SERHL2: variants seen among roughly 807,000 people sequenced by gnomAD.
SERHL2 encodes serine hydrolase-like protein 2.
In SERHL2, 29 loss-of-function variants were observed where a neutral mutation model predicts 25.5. The ratio of observed to expected loss-of-function variants is 1.14; its 90% CI spans 0.85 to 1.55. The LOEUF is 1.55. Among genes scored for constraint, SERHL2 ranks in the 40% most tolerant of loss-of-function variants. SERHL2 has a pLI of 0.00. For missense variants in SERHL2, 240 were observed against 252.3 expected (o/e 0.95, Z 0.33); for synonymous variants, 95 against 103.5 (o/e 0.92, Z 0.50).
At chr22:42,562,338 C>G (rs922492092) in intron 8 of SERHL2, among the ~76,000 whole-genome samples, 3 of 151,880 alleles carry the variant, frequency 2.0e-5, no homozygotes, top group Non-Finnish European at 4.4e-5. Flanking sequence ...GAATCTGGAG[C>G]TTAAACAACC....
rs1312947025 is a variant in SERHL2 at position 42,571,002 on chromosome 22, C to G, written c.649-119C>G. 2.7e-6 allele frequency: 4 copies of G among 1,476,214 alleles called. No individual in the cohort carries two copies. The Admixed American group carries it at 7.6e-5, about 28-fold the overall frequency. 91.4% of individuals were successfully genotyped at this position (1,476,214 alleles called of 1,614,324 possible). A position where few individuals can be genotyped will look rare whatever the true frequency, so the allele number is the denominator to read the frequency against. ...TGATGTGGGGTCCTGGGCTCAGACC[C>G]AGGGTGGGTGGCTAAGGTGCCCTCG... On this transcript the variant is annotated intron_variant, in intron 9 of 11. Coordinates refer to ENST00000327678, the MANE Select transcript of SERHL2 (RefSeq NM_014509.5).
intron 10 of SERHL2, among the ~76,000 whole-genome samples, chr22:42,572,178 G>T (rs1003115873): frequency 2.6e-5 from 4 of 152,070 alleles, no homozygotes; most frequent in African/African-American, 9.6e-5. Context: ...GGCTGACTGT[G>T]ACCAAGTCCT....
At chr22:42,567,460 C>A (rs973828933) in intron 9 of SERHL2, among the ~76,000 whole-genome samples, 5 of 150,484 alleles carry the variant, frequency 3.3e-5, no homozygotes, top group Admixed American at 1.3e-4. Context: ...GTCAGGAGAT[C>A]GAGACCATCC....
At position 42,571,119 on chromosome 22, in the gene SERHL2, A is replaced by G. The variant is rs1286628778; in HGVS notation, c.649-2A>G. The G allele has an allele frequency of 1.2e-6, 2 of 1,612,734 alleles. No homozygotes were observed. The highest frequency in any genetic ancestry group is 1.7e-5 in the Admixed American group (1 of 59,992). Reference sequence around the variant, plus strand: ...GAATTCACCATGTTTTTGTCTCTGCAGGCAGAGAACAGCATTGACTTCATC... The same window carrying G: ...GAATTCACCATGTTTTTGTCTCTGCGGGCAGAGAACAGCATTGACTTCATC... On this transcript the variant is annotated splice_acceptor_variant, in intron 9 of 11. Coordinates refer to ENST00000327678, the MANE Select transcript of SERHL2 (RefSeq NM_014509.5). LOFTEE classifies it high-confidence loss of function.
intron 10 of SERHL2, chr22:42,571,586 T>G (rs1457045508): frequency 1.1e-5 from 6 of 527,608 alleles, no homozygotes; most frequent in Non-Finnish European, 1.5e-5. Flanking sequence ...CCACCAGGCC[T>G]GGCTTATTTT....
chr22:42,563,199 TTTTTTTGTTG>T (rs1429706786), intron 8 of SERHL2, among the ~76,000 whole-genome samples: 40 of 77,396 alleles, frequency 5.2e-4, no homozygotes, highest in Admixed American at 9.5e-4. Context: ...TCTTTTTTTT[TTTTTTTGTTG>T]TTGTTGTTGT....
At chr22:42,557,892 AGGCAGTG>A (rs1922293766) in intron 6 of SERHL2, among the ~76,000 whole-genome samples, 1 of 7,930 alleles carries the variant, frequency 1.3e-4, no homozygotes, top group East Asian at 1.0e-3. Context: ...CTGCAGCCCC[AGGCAGTG>A]GGCCTGAGGC....
chr22:42,566,326 G>C lies in SERHL2; in HGVS notation c.636G>C (p.Gln212His), dbSNP rs779038651. ...VATGLVLNRD[Q>H]RLAWAENSID... ...CAGGTCTGGTTCTGAACAGAGACCA[G>C]AGGCTCGCCTGGGTGAGTACCACTG... The change falls in exon 9 of 12, where the codon CAG becomes CAC. Residue 212 changes from glutamine to histidine, a missense_variant. Coordinates refer to ENST00000327678, the MANE Select transcript of SERHL2 (RefSeq NM_014509.5). 6.2e-7 allele frequency: 1 copy of C among 1,612,146 alleles called. No individual in the cohort carries two copies. The highest frequency in any genetic ancestry group is 8.5e-7 in the Non-Finnish European group (1 of 1,179,302).
At chr22:42,562,592 C>T (rs1421020386) in intron 8 of SERHL2, among the ~76,000 whole-genome samples, 2 of 151,664 alleles carry the variant, frequency 1.3e-5, no homozygotes, top group Non-Finnish European at 2.9e-5. Context: ...GCTGCAGCTC[C>T]ACTTCCTCTT....
At chr22:42,567,480 A>C (rs180845975) in intron 9 of SERHL2, among the ~76,000 whole-genome samples, 1 of 151,284 alleles carries the variant, frequency 6.6e-6, no homozygotes, top group South Asian at 2.1e-4. Context: ...CTGGCTAACA[A>C]GGTGAAACCC....
chr22:42,566,479 A>AT lies in SERHL2; in HGVS notation c.648+142dup, dbSNP rs1462380078. On this transcript the variant is annotated intron_variant, in intron 9 of 11. Transcript: ENST00000327678. Reference sequence around the variant, plus strand: ...AGGCTGAGGCAGGACAATCGCTTGAATGGGAGGCAGAGGTTGCATTGAGCC... The same window carrying AT: ...AGGCTGAGGCAGGACAATCGCTTGAATTGGGAGGCAGAGGTTGCATTGAGCC... The AT allele has an allele frequency of 6.7e-6, 5 of 745,210 alleles. No individual in the cohort carries two copies. The African/African-American group carries it at 8.7e-5, about 13-fold the overall frequency. 46.2% of individuals were successfully genotyped at this position (745,210 alleles called of 1,614,324 possible).
chr22:42,571,314 T>C, intron 10 of SERHL2, 111 bp downstream of exon 10: 1 of 1,541,798 alleles, frequency 6.5e-7, no homozygotes, highest in Admixed American at 2.0e-5. Context: ...GTCGACCACA[T>C]CGCTAAGGCT....
chr22:42,559,207 C>T (rs1168114093), intron 7 of SERHL2, among the ~76,000 whole-genome samples: 1 of 73,400 alleles, frequency 1.4e-5, no homozygotes, highest in Non-Finnish European at 2.2e-5. Flanking sequence ...CCAGCCTGAG[C>T]GAGATAGCGA....
rs148189494 is a variant in SERHL2, at chr22:42,565,649, G to A, written c.614-655G>A. On this transcript the variant is annotated intron_variant, in intron 8 of 11. Transcript: ENST00000327678. ...TTGGCTAATTTTTTAGTTTTTTTGT[G>A]TAGAGATGGGGTCCTGCTCCATTGC... Among the ~76,000 whole-genome samples, 899 of 151,484 alleles carry A rather than the reference G, an allele frequency of 5.9e-3. 12 individuals carry two copies. Among genetic ancestry groups the A allele is most frequent in the African/African-American group, 0.021 (872 of 41,360 alleles).
Position 42,572,472 on chromosome 22 carries a change from C to T in SERHL2, c.768C>T (p.Tyr256=), listed in dbSNP as rs149070357. The change falls in exon 11 of 12, where the codon TAC becomes TAT. Residue 256 remains tyrosine (Y), a synonymous_variant. Coordinates refer to ENST00000327678, the MANE Select transcript of SERHL2 (RefSeq NM_014509.5). The part of the protein sequence containing the change: ...VHGYFDSRQN[Y]SEKESLSFMI... ...GATATTTTGATTCAAGACAGAATTA[C>T]TCTGAGAAGGAGTCCCTGTCGTTCA... The T allele has an allele frequency of 1.4e-5, 23 of 1,611,920 alleles. No homozygotes were observed. The highest frequency in any genetic ancestry group is 1.6e-4 in the Middle Eastern group (1 of 6,082).
chr22:42,573,783 T>C (rs1428940026), intron 11 of SERHL2, 153 bp from the exon 12 acceptor site: 4 of 772,932 alleles, frequency 5.2e-6, no homozygotes, highest in Non-Finnish European at 6.5e-6. Context: ...CTGTCGGGGC[T>C]CCAAGGAGCC....
intron 8 of SERHL2, among the ~76,000 whole-genome samples, chr22:42,565,616 G>A (rs1413728402): frequency 1.3e-5 from 2 of 151,746 alleles, no homozygotes; most frequent in African/African-American, 4.8e-5. Flanking sequence ...GAGCCACCAT[G>A]CCTGGCCTTG....
At chr22:42,570,849 C>T (rs1435620598) in intron 9 of SERHL2, among the ~76,000 whole-genome samples, 7 of 151,994 alleles carry the variant, frequency 4.6e-5, no homozygotes, top group Non-Finnish European at 8.8e-5. Flanking sequence ...ACAGGCATAC[C>T]CGGTGGCAAA....
chr22:42,567,882 A>AC (rs1168020583), intron 9 of SERHL2, among the ~76,000 whole-genome samples: 1 of 151,306 alleles, frequency 6.6e-6, no homozygotes, highest in Non-Finnish European at 1.5e-5. Flanking sequence ...GGCACCCACC[A>AC]CCACACCTGG....
Sources: gnomAD v4.1 joint callset for allele counts (sites outside exome capture counted in the v4.1 genomes callset) on GRCh38, gnomAD v4.1.1 for gene constraint, MANE v1.5 for transcripts, NCBI Gene and HGNC (gene_info 2026-07-23, HGNC 2026-07-21) for gene names.